The following CTNNA3 variants were observed in gnomAD, a reference collection of about 807,000 sequenced individuals.
CTNNA3 encodes catenin alpha-3.
A neutral mutation model predicts 95.7 loss-of-function variants in CTNNA3; 76 were observed. The observed-to-expected ratio is 0.79, with a 90% CI of 0.66 to 0.96. CTNNA3 has a LOEUF of 0.96. Among genes scored for constraint, CTNNA3 ranks in the 40% least tolerant of loss-of-function variants. The pLI is 0.00. For missense variants in CTNNA3, 1,191 were observed against 1,089.8 expected, an observed-to-expected ratio of 1.09 and a Z score of -1.31; for synonymous variants, 431 against 374.4, an observed-to-expected ratio of 1.15 and a Z score of -1.74.
intron 7 of CTNNA3, 107 bp downstream of exon 7, chr10:67,180,210 A>T: frequency 2.1e-6 from 2 of 946,946 alleles, no homozygotes; most frequent in South Asian, 2.8e-5. Flanking sequence ...GTAAAATCAC[A>T]TACTCATTTG....
intron 9 of CTNNA3, among the ~76,000 whole-genome samples, chr10:66,760,059 C>A (rs1409835563): frequency 6.6e-6 from 1 of 152,110 alleles, no homozygotes; most frequent in Non-Finnish European, 1.5e-5. Flanking sequence ...GTTCTATTCT[C>A]TCTCTTTTAT....
intron 7 of CTNNA3, among the ~76,000 whole-genome samples, chr10:66,793,800 G>A (rs1160899716): frequency 6.6e-6 from 1 of 151,944 alleles, no homozygotes; most frequent in Non-Finnish European, 1.5e-5. Context: ...GATATCTGCT[G>A]CATTGTTGTG....
At chr10:67,518,127 C>G (rs929943574) in intron 5 of CTNNA3, among the ~76,000 whole-genome samples, 1 of 152,154 alleles carries the variant, frequency 6.6e-6, no homozygotes, top group Admixed American at 6.6e-5. Context: ...ACTCAGGTAT[C>G]CAGTACAAAC....
chr10:67,448,459 C>T (rs1456098254), intron 5 of CTNNA3, among the ~76,000 whole-genome samples: 6 of 151,650 alleles, frequency 4.0e-5, no homozygotes, highest in South Asian at 2.1e-4. Context: ...CAAAGTGCTA[C>T]GGATATAAAA....
intron 12 of CTNNA3, among the ~76,000 whole-genome samples, chr10:66,352,883 T>C (rs2092577786): frequency 6.6e-6 from 1 of 152,044 alleles, no homozygotes; most frequent in African/African-American, 2.4e-5. Flanking sequence ...AGTGGTTATC[T>C]TGGGGAGGCA....
chr10:67,613,053 G>A (rs533635932), intron 2 of CTNNA3, among the ~76,000 whole-genome samples: 4 of 152,224 alleles, frequency 2.6e-5, no homozygotes, highest in Admixed American at 6.5e-5. Context: ...ACTCTTTAGC[G>A]TAGCTTTTGA....
At chr10:67,240,027 CA>C (rs956689465) in intron 5 of CTNNA3, among the ~76,000 whole-genome samples, 8 of 152,196 alleles carry the variant, frequency 5.3e-5, no homozygotes, top group African/African-American at 1.9e-4. Flanking sequence ...TACGAAGCTA[CA>C]TTCCTGCCCA....
chr10:66,298,666 G>A (rs2091817739), intron 12 of CTNNA3, among the ~76,000 whole-genome samples: 1 of 152,048 alleles, frequency 6.6e-6, no homozygotes, highest in Non-Finnish European at 1.5e-5. Flanking sequence ...AAGCCAAAGA[G>A]ATCATGTCTT....
At chr10:66,002,093 G>A (rs1033456677) in intron 15 of CTNNA3, among the ~76,000 whole-genome samples, 4 of 151,838 alleles carry the variant, frequency 2.6e-5, no homozygotes, top group African/African-American at 9.7e-5. Context: ...CAAGAGTAGG[G>A]GAATTCTACT....
intron 10 of CTNNA3, among the ~76,000 whole-genome samples, chr10:66,591,703 A>G (rs1843556797): frequency 6.6e-6 from 1 of 152,080 alleles, no homozygotes; most frequent in Admixed American, 6.6e-5. Context: ...TTCTCTCTTT[A>G]TCCTGTCAGC....
At chr10:65,926,239 G>C (rs1325162884) in intron 17 of CTNNA3, among the ~76,000 whole-genome samples, 2 of 151,326 alleles carry the variant, frequency 1.3e-5, no homozygotes, top group African/African-American at 4.8e-5. Context: ...CTATTAATAG[G>C]CTTTTAGGTA....
intron 13 of CTNNA3, among the ~76,000 whole-genome samples, chr10:66,207,187 GATCT>G (rs76278382): frequency 0.33 from 49,517 of 150,936 alleles, 9,517 homozygotes; most frequent in South Asian, 0.52. Flanking sequence ...TATATCTAAT[GATCT>G]ATCTAATGAT....
At chr10:67,350,057 C>T (rs553022947) in intron 5 of CTNNA3, among the ~76,000 whole-genome samples, 4 of 152,192 alleles carry the variant, frequency 2.6e-5, no homozygotes, top group South Asian at 4.1e-4. Flanking sequence ...TTACCAATTT[C>T]GGGCATGTAT....
intron 9 of CTNNA3, among the ~76,000 whole-genome samples, chr10:66,701,756 A>G (rs187301846): frequency 3.3e-5 from 5 of 152,274 alleles, no homozygotes; most frequent in Admixed American, 3.3e-4. Flanking sequence ...GAATAACCCT[A>G]TCCAATACAC....
At chr10:67,114,221 A>G (rs1317992663) in intron 7 of CTNNA3, among the ~76,000 whole-genome samples, 1 of 152,164 alleles carries the variant, frequency 6.6e-6, no homozygotes, top group Non-Finnish European at 1.5e-5. Flanking sequence ...ATTTGTACCA[A>G]TGTACTAATT....
At chr10:67,738,066 G>A (rs998974555) in intron 1 of CTNNA3, among the ~76,000 whole-genome samples, 7 of 152,146 alleles carry the variant, frequency 4.6e-5, no homozygotes, top group Admixed American at 1.3e-4. Context: ...GAAGAAAACC[G>A]AGGCAACTAG....
chr10:67,608,174 G>C (rs1843343695), intron 2 of CTNNA3, among the ~76,000 whole-genome samples: 1 of 152,022 alleles, frequency 6.6e-6, no homozygotes, highest in Non-Finnish European at 1.5e-5. Flanking sequence ...AAGAAAGTAG[G>C]TCATAGTAAG....
At chr10:66,530,918 T>C (rs1396313854) in intron 10 of CTNNA3, among the ~76,000 whole-genome samples, 4 of 152,118 alleles carry the variant, frequency 2.6e-5, no homozygotes, top group Admixed American at 6.5e-5. Flanking sequence ...TCTGTGAAAG[T>C]ATATGCCAGT....
At chr10:66,044,737 G>A (rs16922417) in intron 15 of CTNNA3, among the ~76,000 whole-genome samples, 7,611 of 152,134 alleles carry the variant, frequency 0.05, 242 homozygotes, top group East Asian at 0.17. Context: ...CCAGCTCTGC[G>A]CTATGGTTTT....
Sources: allele counts gnomAD v4.1 joint callset (sites outside exome capture counted in the v4.1 genomes callset), GRCh38; gene constraint gnomAD v4.1.1; transcripts MANE v1.5; gene names NCBI Gene and HGNC (gene_info 2026-07-23, HGNC 2026-07-21).